The following FNDC7 variants were observed in gnomAD, a reference collection of about 807,000 sequenced individuals.
FNDC7 encodes fibronectin type III domain-containing protein 7.
Under a neutral mutation model 74.2 loss-of-function variants are expected in FNDC7, and 66 were observed. The observed-to-expected ratio is 0.89, with a 90% CI of 0.73 to 1.09. The LOEUF (loss-of-function observed/expected upper bound fraction) is 1.09, where lower values mean the gene tolerates loss of function less well. Ranked by LOEUF, FNDC7 falls within the 50% of genes least tolerant of loss-of-function variation. FNDC7 has a pLI of 0.00. For missense variants in FNDC7, 829 were observed against 893.4 expected (o/e 0.93, Z 0.92); for synonymous variants, 307 against 330.2 (o/e 0.93, Z 0.76).
At chr1:108,716,809 G>T (rs1284990863) in intron 2 of FNDC7, among the ~76,000 whole-genome samples, 2 of 151,916 alleles carry the variant, frequency 1.3e-5, no homozygotes, top group East Asian at 3.9e-4. Context: ...TTTTGAATTT[G>T]ACATATAGTG....
Position 108,737,675 on chromosome 1 carries a change from C to G in FNDC7, c.2170+151C>G, listed in dbSNP as rs968455614. 23 of 563,968 alleles carry G rather than the reference C, an allele frequency of 4.1e-5. No individual in the cohort carries two copies. The African/African-American group carries it at 4.3e-4, about 11-fold the overall frequency. 34.9% of individuals were successfully genotyped at this position (563,968 alleles called of 1,614,324 possible). A position where few individuals can be genotyped will look rare whatever the true frequency, so the allele number is the denominator to read the frequency against. ...GCTCTCTTATCCCATGACTTTTTCT[C>G]CCCATTATAGTGCCTCCTCTGAGAT... On this transcript the variant is annotated intron_variant, in intron 11 of 12. Transcript: ENST00000370017.
At chr1:108,734,172 A>G (rs966949927) in intron 10 of FNDC7, 9 of 152,242 alleles carry the variant, frequency 5.9e-5, no homozygotes, top group Admixed American at 1.3e-4. Context: ...AGTCTTGCTG[A>G]TAATGATAGA....
chr1:108,725,089 T>A (rs1395656135), intron 5 of FNDC7, among the ~76,000 whole-genome samples: 1 of 151,658 alleles, frequency 6.6e-6, no homozygotes, highest in Non-Finnish European at 1.5e-5. Context: ...TCAAAAAAAA[T>A]AATAAATAAA....
chr1:108,728,285 TAGA>T (rs1661265257), intron 7 of FNDC7, among the ~76,000 whole-genome samples: 2 of 151,002 alleles, frequency 1.3e-5, no homozygotes, highest in African/African-American at 4.9e-5. Context: ...ACGGGGAGAG[TAGA>T]AGGTTTTGCC....
chr1:108,718,994 T>C lies in FNDC7; in HGVS notation c.543T>C (p.Tyr181=), dbSNP rs775124910. ...EAGTLYTIKA[Y]AWNANRIPGD... ...GAACTCTCTACACCATAAAGGCCTA[T>C]GCATGGAATGCCAACAGAATCCCTG... is the stretch of plus-strand genomic sequence containing the variant. The change falls in exon 4 of 13, where the codon TAT becomes TAC. Residue 181 remains tyrosine, a synonymous_variant. Coordinates refer to ENST00000370017, the MANE Select transcript of FNDC7 (RefSeq NM_001144937.3). 27 of 1,552,048 alleles carry C rather than the reference T, an allele frequency of 1.7e-5. No homozygotes were observed. The highest frequency in any genetic ancestry group is 1.7e-4 in the Middle Eastern group (1 of 6,018).
At position 108,728,841 on chromosome 1, in the gene FNDC7, C is replaced by T. The variant is rs774034708; in HGVS notation, c.1579C>T (p.Gln527Ter). The T allele has an allele frequency of 1.9e-6, 3 of 1,614,256 alleles. No individual in the cohort carries two copies. The highest frequency in any genetic ancestry group is 2.2e-5 in the South Asian group (2 of 91,086). ...CTCTGTCACTGCTGTGGCCGAAACA[C>T]AGGCAGGACGGAGCCTGCCCAGCTA... ...VFSVTAVAET[Q>*]AGRSLPSYSV... Residue 527 changes from glutamine to a stop codon, truncating the protein, a stop_gained, in exon 8 of 13, where the codon CAG (glutamine) becomes TAG (stop). Transcript: ENST00000370017. LOFTEE classifies it high-confidence loss of function.
chr1:108,712,919 A>G lies in FNDC7; in HGVS notation c.-15A>G, dbSNP rs1164939581. 3.2e-6 allele frequency: 5 copies of G among 1,551,070 alleles called. No individual in the cohort carries two copies. In the Admixed American group the frequency reaches 5.9e-5, roughly 18 times the overall value. ...TTGCTTTGTTTTGTGCCATGTGAGT[A>G]CTATGTCCAACAGGATGGCTGGTGG... On this transcript the variant is annotated 5_prime_UTR_variant, in exon 1 of 13. Transcript: ENST00000370017.
chr1:108,714,605 A>ATTTTTTTT (rs71098692), intron 2 of FNDC7, among the ~76,000 whole-genome samples: 7 of 102,162 alleles, frequency 6.9e-5, no homozygotes, highest in African/African-American at 1.1e-4. Context: ...ACAAAGTGGC[A>ATTTTTTTT]TTTTTTTTTT....
intron 11 of FNDC7, among the ~76,000 whole-genome samples, chr1:108,740,340 T>C (rs2101093318): frequency 6.8e-6 from 1 of 146,924 alleles, no homozygotes; most frequent in East Asian, 2.0e-4. Context: ...TTTTTTTTTT[T>C]TTTTTGAGAT....
chr1:108,714,782 T>G (rs1660940254), intron 2 of FNDC7, among the ~76,000 whole-genome samples: 1 of 151,910 alleles, frequency 6.6e-6, no homozygotes, highest in African/African-American at 2.4e-5. Flanking sequence ...ATTTTTTGTA[T>G]TTTTAGTAGA....
At position 108,733,482 on chromosome 1, in the gene FNDC7, T is replaced by G; in HGVS notation, c.2090T>G (p.Val697Gly). The change falls in exon 10 of 13, where the codon GTT becomes GGT. Residue 697 changes from valine (V) to glycine (G), a missense_variant. Val to Gly is a moderately radical substitution (Grantham distance 109). Transcript: ENST00000370017. Reference protein sequence around the residue: ...GDVYTVMVSPVAKTGLKLTFC... With the variant: ...GDVYTVMVSPGAKTGLKLTFC... ...GTATACACTGTGATGGTCTCACCAG[T>G]TGCTAAAACAGGATTGAAGCTTACT... 6.2e-7 allele frequency: 1 copy of G among 1,614,144 alleles called. No individual in the cohort carries two copies. The highest frequency in any genetic ancestry group is 1.6e-4 in the Middle Eastern group (1 of 6,062).
intron 9 of FNDC7, among the ~76,000 whole-genome samples, chr1:108,732,537 A>C (rs1370394439): frequency 6.6e-6 from 1 of 152,188 alleles, no homozygotes; most frequent in African/African-American, 2.4e-5. Flanking sequence ...AAATAAAACT[A>C]GGGCATTATG....
chr1:108,717,887 G>A lies in FNDC7; in HGVS notation c.193G>A (p.Gly65Arg), dbSNP rs866792106. Reference protein sequence around the residue: ...ATSYLLTAEDGDTVIETTVAN... With the variant: ...ATSYLLTAEDRDTVIETTVAN... ...CAGTTACCTCCTCACGGCTGAAGAC[G>A]GGGACACAGTCATTGAAACCACGGT... The change falls in exon 3 of 13, where the codon GGG becomes AGG. Residue 65 changes from glycine to arginine, a missense_variant. By Grantham distance (125) the Gly-to-Arg change is moderately radical. Coordinates refer to ENST00000370017, the MANE Select transcript of FNDC7 (RefSeq NM_001144937.3). The A allele has an allele frequency of 2.6e-5, 41 of 1,551,558 alleles. No individual in the cohort carries two copies. The highest frequency in any genetic ancestry group is 2.6e-4 in the African/African-American group (19 of 73,028).
rs397981150 is a variant in FNDC7 at position 108,733,649 on chromosome 1, C to CTTTTTT, written c.2140+133_2140+138dup. Reference sequence around the variant, plus strand: ...GGCACAGAGGGTATAAAATTTCTTTCTTTTTTTTTTTTTTTTTTTTTGAGA... The same window carrying CTTTTTT: ...GGCACAGAGGGTATAAAATTTCTTTCTTTTTTTTTTTTTTTTTTTTTTTTTTTGAGA... On this transcript the variant is annotated intron_variant, in intron 10 of 12. Transcript: ENST00000370017. 27 of 614,314 alleles carry CTTTTTT rather than the reference C, an allele frequency of 4.4e-5. No homozygotes were observed. The African/African-American group carries it at 4.6e-4, about 10-fold the overall frequency. The allele number at this position is 614,314 out of a possible 1,614,324, so 38.1% of individuals were successfully genotyped here.
intron 9 of FNDC7, among the ~76,000 whole-genome samples, chr1:108,731,728 C>T (rs1661360230): frequency 6.6e-6 from 1 of 152,174 alleles, no homozygotes; most frequent in African/African-American, 2.4e-5. Flanking sequence ...TTGAAAAAGA[C>T]AGGAATAGTA....
rs778671617 is a variant in FNDC7 at position 108,722,547 on chromosome 1, G to A, written c.811G>A (p.Asp271Asn). 6.2e-7 allele frequency: 1 copy of A among 1,614,190 alleles called. No individual in the cohort carries two copies. Among genetic ancestry groups the A allele is most frequent in the South Asian group, 1.1e-5 (1 of 91,078 alleles). ...CTTGATTTCAGTTTTAGCAAGTAAT[G>A]ATGCTGGATCTAGCAAATCATCTTC... ...EYLISVLASN[D>N]AGSSKSSSAM... is the part of the protein sequence containing the mutation. Residue 271 changes from aspartate (D) to asparagine (N), a missense_variant, in exon 5 of 13, where the codon GAT (aspartate) becomes AAT (asparagine). Physicochemically the swap from Asp to Asn is conservative, Grantham distance 23. Transcript: ENST00000370017.
intron 8 of FNDC7, among the ~76,000 whole-genome samples, chr1:108,729,972 G>C (rs1271225902): frequency 6.6e-6 from 1 of 152,238 alleles, no homozygotes; most frequent in Non-Finnish European, 1.5e-5. Context: ...TTTTATATCA[G>C]TGATGTACTA....
At chr1:108,722,201 A>T in intron 4 of FNDC7, 134 bp from the exon 5 acceptor site, 1 of 914,744 alleles carries the variant, frequency 1.1e-6, no homozygotes, top group Non-Finnish European at 1.6e-6. Flanking sequence ...CTAAATCCCA[A>T]TTTTATGCTT....
chr1:108,725,799 C>T lies in FNDC7; in HGVS notation c.906C>T (p.His302=), dbSNP rs1174759920. The change falls in exon 6 of 13, where the codon CAC becomes CAT. Residue 302 remains histidine (H), a synonymous_variant. Coordinates refer to ENST00000370017, the MANE Select transcript of FNDC7 (RefSeq NM_001144937.3). ...CGATCCAAGAAGATCCCCCTGGCCA[C>T]CTGTCTGTGGCTTGGTCCAGTGTAG... The part of the protein sequence containing the change: ...RVTIQEDPPG[H]LSVAWSSVDL... The T allele has an allele frequency of 1.9e-6, 3 of 1,614,198 alleles. No homozygotes were observed. Among genetic ancestry groups the T allele is most frequent in the South Asian group, 2.2e-5 (2 of 91,080 alleles).
Sources: gnomAD v4.1 joint callset for allele counts (sites outside exome capture counted in the v4.1 genomes callset) on GRCh38, gnomAD v4.1.1 for gene constraint, MANE v1.5 for transcripts, NCBI Gene and HGNC (gene_info 2026-07-23, HGNC 2026-07-21) for gene names.